The following ACSL3 variants were observed in gnomAD, a reference collection of about 807,000 sequenced individuals.
The protein encoded by ACSL3 is fatty acid CoA ligase Acsl3.
ACSL3 carries 34 observed loss-of-function variants against 84.7 expected under a neutral mutation model. The observed-to-expected ratio is 0.40, with a 90% CI of 0.31 to 0.53. The LOEUF is 0.53. Ranked by LOEUF, ACSL3 falls within the 20% of genes least tolerant of loss-of-function variation. ACSL3 has a pLI of 0.48. For missense variants in ACSL3, 680 were observed against 873.1 expected, an observed-to-expected ratio of 0.78 and a Z score of 2.79; for synonymous variants, 315 against 299.4, an observed-to-expected ratio of 1.05 and a Z score of -0.54.
At chr2:222,915,394 A>G (rs1244456396) in intron 4 of ACSL3, among the ~76,000 whole-genome samples, 2 of 152,242 alleles carry the variant, frequency 1.3e-5, no homozygotes, top group African/African-American at 2.4e-5. Context: ...TCTTCTAGAA[A>G]TTTCTTAAAT....
chr2:222,914,747 C>T (rs965116295), intron 4 of ACSL3, among the ~76,000 whole-genome samples: 1 of 152,148 alleles, frequency 6.6e-6, no homozygotes, highest in African/African-American at 2.4e-5. Context: ...TTGTCTTGGG[C>T]TAGCCATAGG....
intron 1 of ACSL3, among the ~76,000 whole-genome samples, chr2:222,867,590 T>A (rs1695184390): frequency 6.6e-6 from 1 of 152,224 alleles, no homozygotes; most frequent in Non-Finnish European, 1.5e-5. Flanking sequence ...GAATTGAGTT[T>A]CAACTCAATT....
intron 16 of ACSL3, 46 bp downstream of exon 16, chr2:222,934,733 A>G (rs1697130132): frequency 6.3e-7 from 1 of 1,579,816 alleles, no homozygotes; most frequent in African/African-American, 1.4e-5. Context: ...ATGGGAAGAG[A>G]GTACTTACAT....
intron 1 of ACSL3, among the ~76,000 whole-genome samples, chr2:222,868,768 A>T (rs1695217984): frequency 6.6e-6 from 1 of 152,012 alleles, no homozygotes; most frequent in Non-Finnish European, 1.5e-5. Flanking sequence ...CCAATGTGGC[A>T]TGAGTCCAGC....
At chr2:222,918,221 A>G (rs1696638227) in intron 6 of ACSL3, 66 bp downstream of exon 6, 3 of 967,768 alleles carry the variant, frequency 3.1e-6, no homozygotes, top group Non-Finnish European at 4.7e-6. Flanking sequence ...GAGCCCTATT[A>G]TTGATACTTA....
chr2:222,918,267 G>A lies in ACSL3; in HGVS notation c.666+112G>A, dbSNP rs1283269685. On this transcript the variant is annotated intron_variant, in intron 6 of 16. Transcript: ENST00000357430. ...GACTTTTAAGTCCTTAATCTTTGTG[G>A]ACTTTTATGAATATCATACTTTATT... is the stretch of plus-strand genomic sequence containing the variant. 2.7e-5 allele frequency: 15 copies of A among 551,450 alleles called. No homozygotes were observed. The East Asian group carries it at 3.9e-4, about 14-fold the overall frequency. The allele number at this position is 551,450 out of a possible 1,614,324, so 34.2% of individuals were successfully genotyped here.
At chr2:222,919,228 A>T (rs769587657) in intron 7 of ACSL3, 26 bp downstream of exon 7, 33 of 1,609,576 alleles carry the variant, frequency 2.1e-5, no homozygotes, top group Non-Finnish European at 2.5e-5. Flanking sequence ...CTAATTCCTT[A>T]CCTGTGCTTT....
rs866466199 is a variant in ACSL3, at chr2:222,880,167, G to A, written c.-206-7663G>A. 3.0e-4 allele frequency among the ~76,000 whole-genome samples: 46 copies of A among 152,254 alleles called. 1 individual carries two copies. The highest frequency in any genetic ancestry group is 6.8e-3 in the Middle Eastern group (2 of 294). ...AATTCGTGTTTTGATATGGAATAGG[G>A]CAAATATGCATTAAATATGCTGTTT... On this transcript the variant is annotated intron_variant, in intron 1 of 16. Transcript: ENST00000357430.
chr2:222,887,876 C>G lies in ACSL3; in HGVS notation c.-160C>G, dbSNP rs975387827. On this transcript the variant is annotated 5_prime_UTR_variant, in exon 2 of 17. Coordinates refer to ENST00000357430, the MANE Select transcript of ACSL3 (RefSeq NM_004457.5). ...TCTTCAAAGCACCTAGTACCTCCTA[C>G]CATTGTCAACTGGTAAAATATTTAA... 1 of 152,090 alleles carries G rather than the reference C, an allele frequency of 6.6e-6. No homozygotes were observed. Among genetic ancestry groups the G allele is most frequent in the African/African-American group, 2.4e-5 (1 of 41,408 alleles). 9.4% of individuals were successfully genotyped at this position (152,090 alleles called of 1,614,324 possible).
chr2:222,926,561 G>A (rs765518225), intron 11 of ACSL3, among the ~76,000 whole-genome samples: 9 of 151,886 alleles, frequency 5.9e-5, no homozygotes, highest in African/African-American at 2.2e-4. Context: ...ACAATTCAAA[G>A]CTTGAATTAG....
intron 3 of ACSL3, among the ~76,000 whole-genome samples, chr2:222,903,770 TG>T (rs1388802531): frequency 6.6e-6 from 1 of 152,250 alleles, no homozygotes; most frequent in African/African-American, 2.4e-5. Context: ...TCTTTTCTCC[TG>T]TTACTGTGTG....
At chr2:222,883,637 A>G (rs188313248) in intron 1 of ACSL3, among the ~76,000 whole-genome samples, 5 of 152,196 alleles carry the variant, frequency 3.3e-5, no homozygotes, top group African/African-American at 1.2e-4. Context: ...CTGGGATATT[A>G]TATTGCAGTG....
In ACSL3 at chr2:222,934,630, A is replaced by C; in HGVS notation, c.1948A>C (p.Asn650His). Residue 650 changes from asparagine (N) to histidine (H), a missense_variant, in exon 16 of 17, where the codon AAC becomes CAC. By Grantham distance (68) the Asn-to-His change is moderately conservative. Coordinates refer to ENST00000357430, the MANE Select transcript of ACSL3 (RefSeq NM_004457.5). ...TAAAGGGACTTGGGAGGAGCTGTGT[A>C]ACAGTTGTGAAATGGAAAATGAGGT... ...GLKGTWEELCNSCEMENEVLK... is the reference protein window; with the variant it reads ...GLKGTWEELCHSCEMENEVLK... The C allele has an allele frequency of 1.2e-6, 2 of 1,609,986 alleles. No individual in the cohort carries two copies. Among genetic ancestry groups the C allele is most frequent in the Non-Finnish European group, 8.5e-7 (1 of 1,178,628 alleles).
chr2:222,926,113 AAAC>A (rs1455356372), intron 11 of ACSL3, among the ~76,000 whole-genome samples: 2 of 152,218 alleles, frequency 1.3e-5, no homozygotes, highest in Non-Finnish European at 2.9e-5. Flanking sequence ...TCTGGGGAAA[AAAC>A]AATAAAATAT....
chr2:222,881,079 T>C (rs537640938), intron 1 of ACSL3, among the ~76,000 whole-genome samples: 5 of 151,878 alleles, frequency 3.3e-5, no homozygotes, highest in Non-Finnish European at 5.9e-5. Flanking sequence ...GAGCCGTAAA[T>C]GTAAGCCATA....
intron 1 of ACSL3, among the ~76,000 whole-genome samples, chr2:222,882,832 A>T (rs1328261280): frequency 7.2e-6 from 1 of 139,482 alleles, no homozygotes; most frequent in East Asian, 2.4e-4. Context: ...CAGTGGCATG[A>T]TCTTGGCTTA....
At chr2:222,917,919 C>A in intron 5 of ACSL3, 127 bp from the exon 6 acceptor site, 1 of 630,278 alleles carries the variant, frequency 1.6e-6, no homozygotes, top group Non-Finnish European at 2.8e-6. Context: ...AAACATAACA[C>A]TTATAGACTG....
intron 1 of ACSL3, among the ~76,000 whole-genome samples, chr2:222,869,481 T>A (rs376085072): frequency 1.3e-5 from 2 of 152,312 alleles, no homozygotes; most frequent in Admixed American, 6.5e-5. Context: ...TCTGAACCAG[T>A]GTGTGAGTGA....
At chr2:222,927,716 G>A (rs1464247335) in intron 12 of ACSL3, among the ~76,000 whole-genome samples, 1 of 152,144 alleles carries the variant, frequency 6.6e-6, no homozygotes, top group Non-Finnish European at 1.5e-5. Flanking sequence ...GAGATGAATC[G>A]CATAGGGCCT....
Sources: gnomAD v4.1 joint callset for allele counts (sites outside exome capture counted in the v4.1 genomes callset) on GRCh38, gnomAD v4.1.1 for gene constraint, MANE v1.5 for transcripts, NCBI Gene and HGNC (gene_info 2026-07-23, HGNC 2026-07-21) for gene names.